The following GABBR2 variants were observed in gnomAD, a reference collection of about 807,000 sequenced individuals.
GABBR2 encodes G-protein coupled receptor 51.
GABBR2 carries 23 observed loss-of-function variants against 105.6 expected under a neutral mutation model. The ratio of observed to expected loss-of-function variants is 0.22; its 90% CI spans 0.16 to 0.31. GABBR2 has a LOEUF of 0.31. Ranked by LOEUF, GABBR2 falls within the 10% of genes least tolerant of loss-of-function variation. The pLI, the probability that GABBR2 is intolerant of heterozygous loss-of-function variation, is 1.00. For synonymous variants in GABBR2, 478 were observed against 499.7 expected (o/e 0.96, Z 0.58); for missense variants, 734 against 1,245.5 (o/e 0.59, Z 6.18).
chr9:98,565,922 C>T (rs1054552138), intron 2 of GABBR2, among the ~76,000 whole-genome samples: 3 of 152,226 alleles, frequency 2.0e-5, no homozygotes, highest in Admixed American at 6.5e-5. Flanking sequence ...CAACACTGGA[C>T]GGGGCAGTCA....
chr9:98,508,330 G>C (rs1407618780), intron 3 of GABBR2, among the ~76,000 whole-genome samples: 1 of 152,242 alleles, frequency 6.6e-6, no homozygotes, highest in Non-Finnish European at 1.5e-5. Context: ...ACAGTTCCCA[G>C]CGTGAGCGAT....
chr9:98,667,408 C>T (rs1309334343), intron 1 of GABBR2, among the ~76,000 whole-genome samples: 3 of 152,234 alleles, frequency 2.0e-5, no homozygotes, highest in East Asian at 1.9e-4. Flanking sequence ...AGCTGGGCAC[C>T]GCTACCCCAG....
At chr9:98,647,555 G>A (rs571716597) in intron 1 of GABBR2, among the ~76,000 whole-genome samples, 1 of 152,322 alleles carries the variant, frequency 6.6e-6, no homozygotes, top group East Asian at 1.9e-4. Flanking sequence ...AGGGGCGGAG[G>A]AGACTGCATG....
chr9:98,433,669 C>T (rs1406056684), intron 7 of GABBR2, among the ~76,000 whole-genome samples: 8 of 152,186 alleles, frequency 5.3e-5, no homozygotes, highest in Non-Finnish European at 1.2e-4. Flanking sequence ...TGTTCAAGGC[C>T]TCTTTGATGT....
At chr9:98,695,827 A>G (rs1010597688) in intron 1 of GABBR2, among the ~76,000 whole-genome samples, 3 of 152,166 alleles carry the variant, frequency 2.0e-5, no homozygotes, top group Admixed American at 6.5e-5. Context: ...GTCTTTCTAC[A>G]GTGTCCAGCT....
At chr9:98,675,199 C>T (rs1830458851) in intron 1 of GABBR2, among the ~76,000 whole-genome samples, 1 of 152,128 alleles carries the variant, frequency 6.6e-6, no homozygotes, top group African/African-American at 2.4e-5. Flanking sequence ...AAGTGGGAAC[C>T]AAGTGGTGAC....
At chr9:98,668,882 T>TG (rs1830371760) in intron 1 of GABBR2, among the ~76,000 whole-genome samples, 1 of 136,812 alleles carries the variant, frequency 7.3e-6, no homozygotes, top group African/African-American at 2.8e-5. Flanking sequence ...TATATTCCAT[T>TG]TTGTGTGTGT....
chr9:98,599,025 T>G (rs1301787077), intron 1 of GABBR2, among the ~76,000 whole-genome samples: 2 of 152,184 alleles, frequency 1.3e-5, no homozygotes, highest in Non-Finnish European at 2.9e-5. Context: ...CCATCTTTCT[T>G]GGGCCTGGCA....
At chr9:98,477,959 T>C (rs993189866) in intron 5 of GABBR2, among the ~76,000 whole-genome samples, 13 of 152,162 alleles carry the variant, frequency 8.5e-5, no homozygotes, top group Non-Finnish European at 1.5e-4. Flanking sequence ...TAAAGCGACC[T>C]GATTGAGGTC....
At chr9:98,425,382 G>A (rs946370606) in intron 7 of GABBR2, among the ~76,000 whole-genome samples, 1 of 152,160 alleles carries the variant, frequency 6.6e-6, no homozygotes. Flanking sequence ...TAAGGGCAGG[G>A]GAAACCAACC....
intron 1 of GABBR2, among the ~76,000 whole-genome samples, chr9:98,622,241 T>G (rs2131822243): frequency 6.6e-6 from 1 of 152,186 alleles, no homozygotes; most frequent in South Asian, 2.1e-4. Flanking sequence ...CACAGTTCAT[T>G]GCAGTCTCAA....
intron 11 of GABBR2, among the ~76,000 whole-genome samples, chr9:98,383,248 G>A (rs1832010930): frequency 6.6e-6 from 1 of 152,168 alleles, no homozygotes; most frequent in Non-Finnish European, 1.5e-5. Flanking sequence ...GCCCCAGGAG[G>A]CCATACTCTT....
intron 1 of GABBR2, among the ~76,000 whole-genome samples, chr9:98,669,732 C>T (rs918719715): frequency 1.3e-5 from 2 of 152,062 alleles, no homozygotes; most frequent in African/African-American, 4.8e-5. Flanking sequence ...TGATTCATCA[C>T]TCCACAAATA....
At chr9:98,447,306 A>G (rs12343354) in intron 7 of GABBR2, among the ~76,000 whole-genome samples, 17,744 of 147,268 alleles carry the variant, frequency 0.12, 3,040 homozygotes, top group African/African-American at 0.27. Context: ...CTCGTGATCC[A>G]CCCGCCTCGG....
intron 7 of GABBR2, among the ~76,000 whole-genome samples, chr9:98,436,316 CCATA>C (rs1189366043): frequency 4.6e-5 from 2 of 43,792 alleles, no homozygotes; most frequent in Non-Finnish European, 7.7e-5. Flanking sequence ...CATAAATATA[CCATA>C]TATATATATA....
chr9:98,303,108 G>T, intron 16 of GABBR2, 133 bp downstream of exon 16: 1 of 648,550 alleles, frequency 1.5e-6, no homozygotes, highest in Non-Finnish European at 2.6e-6. Context: ...GGCTCTCGCA[G>T]CTGCAACTGC....
chr9:98,389,701 G>A lies in GABBR2; in HGVS notation c.1379-697C>T, dbSNP rs1832144535. 4.6e-5 allele frequency among the ~76,000 whole-genome samples: 7 copies of A among 152,206 alleles called. 1 individual carries two copies. In the South Asian group the frequency reaches 1.4e-3, roughly 31 times the overall value. ...TCTTCAAGAGCACAAGGAACTCGGGGGAACCCTGAGGGTTTCAGAGCAAAT... is the reference window on the plus strand; with the variant it reads ...TCTTCAAGAGCACAAGGAACTCGGGAGAACCCTGAGGGTTTCAGAGCAAAT... On this transcript the variant is annotated intron_variant, in intron 9 of 18. Coordinates refer to ENST00000259455, the MANE Select transcript of GABBR2 (RefSeq NM_005458.8).
chr9:98,528,594 T>G (rs1027097141), intron 3 of GABBR2, among the ~76,000 whole-genome samples: 1 of 151,396 alleles, frequency 6.6e-6, no homozygotes, highest in African/African-American at 2.4e-5. Context: ...CCTTACTTTA[T>G]AAAGAGCTCT....
At chr9:98,578,268 T>G (rs1452102151) in intron 1 of GABBR2, among the ~76,000 whole-genome samples, 196 bp from the exon 2 acceptor site, 1 of 152,136 alleles carries the variant, frequency 6.6e-6, no homozygotes, top group Non-Finnish European at 1.5e-5. Context: ...CTATCCTGTC[T>G]CTGCTCCCGC....
Sources: allele counts gnomAD v4.1 joint callset (sites outside exome capture counted in the v4.1 genomes callset), GRCh38; gene constraint gnomAD v4.1.1; transcripts MANE v1.5; gene names NCBI Gene and HGNC (gene_info 2026-07-23, HGNC 2026-07-21).